SHISA9: variants seen among roughly 807,000 people sequenced by gnomAD.
SHISA9 encodes the protein protein shisa-9.
A neutral mutation model predicts 38.0 loss-of-function variants in SHISA9; 13 were observed. The ratio of observed to expected loss-of-function variants is 0.34; its 90% CI spans 0.22 to 0.54. The LOEUF (loss-of-function observed/expected upper bound fraction) is 0.54, where lower values mean the gene tolerates loss of function less well. SHISA9 is among the 20% of genes least tolerant of loss of function. The pLI, the probability that SHISA9 is intolerant of heterozygous loss-of-function variation, is 0.91. For synonymous variants in SHISA9, 275 were observed against 242.0 expected (o/e 1.14, Z -1.27); for missense variants, 538 against 575.8 (o/e 0.93, Z 0.67).
chr16:13,264,653 T>C, the SHISA9 span, among the ~76,000 whole-genome samples: 2 of 152,180 alleles, frequency 1.3e-5, no homozygotes, highest in South Asian at 2.1e-4. Context: ...AGTCTTGAGT[T>C]GATTTTTAGA....
chr16:13,112,301 G>C (rs1250781451), intron 2 of SHISA9, among the ~76,000 whole-genome samples: 1 of 151,122 alleles, frequency 6.6e-6, no homozygotes, highest in Non-Finnish European at 1.5e-5. Context: ...GAGGAGAGAA[G>C]GGAAAAAATA....
the SHISA9 span, among the ~76,000 whole-genome samples, chr16:13,532,955 C>G: frequency 3.3e-3 from 510 of 152,296 alleles, 1 homozygote; most frequent in Non-Finnish European, 5.9e-3. Context: ...CTCCAAAAGT[C>G]TGGTTTTCTG....
At chr16:13,529,095 T>G in the SHISA9 span, among the ~76,000 whole-genome samples, 1 of 152,180 alleles carries the variant, frequency 6.6e-6, no homozygotes, top group Non-Finnish European at 1.5e-5. Context: ...AGGTCAAACA[T>G]GCCTCATGAC....
At chr16:13,006,887 C>A (rs1400511878) in intron 2 of SHISA9, among the ~76,000 whole-genome samples, 2 of 152,150 alleles carry the variant, frequency 1.3e-5, no homozygotes, top group African/African-American at 4.8e-5. Context: ...TTCTCTTCAA[C>A]CTCTCTGACC....
At chr16:12,913,255 A>C (rs8060353) in intron 1 of SHISA9, among the ~76,000 whole-genome samples, 1 of 152,030 alleles carries the variant, frequency 6.6e-6, no homozygotes, top group Non-Finnish European at 1.5e-5. Context: ...GGAGTGCAGC[A>C]GTGTGATCTC....
rs546699915 is a variant in SHISA9 at position 12,958,760 on chromosome 16, G to A, written c.691+41945G>A. 1.8e-4 allele frequency among the ~76,000 whole-genome samples: 27 copies of A among 152,258 alleles called. No homozygotes were observed. The East Asian group carries it at 4.4e-3, about 25-fold the overall frequency. On this transcript the variant is annotated intron_variant, in intron 2 of 4. Transcript: ENST00000558583. ...TAAAAGCATACTGAAGTTCAAAGAG[G>A]TTAGAAGACTTTCCTGAAATTATGT...
At chr16:13,157,896 G>A (rs746810901) in intron 2 of SHISA9, among the ~76,000 whole-genome samples, 1 of 152,234 alleles carries the variant, frequency 6.6e-6, no homozygotes, top group African/African-American at 2.4e-5. Context: ...GGCTCAGGAA[G>A]CCTCAGCTCC....
rs75933514 is a variant in SHISA9 at position 12,939,746 on chromosome 16, T to C, written c.691+22931T>C. Among the ~76,000 whole-genome samples the C allele has an allele frequency of 2.5e-3, 384 of 152,340 alleles. 1 individual carries two copies. Among genetic ancestry groups the C allele is most frequent in the African/African-American group, 8.9e-3 (370 of 41,586 alleles). On this transcript the variant is annotated intron_variant, in intron 2 of 4. Coordinates refer to ENST00000558583, the MANE Select transcript of SHISA9 (RefSeq NM_001145204.3). ...TATTGTGCTATTCAATGAAACATCA[T>C]AGAGAGGATAGATGTGATTCAGCAT...
At chr16:13,148,467 A>G (rs141313064) in intron 2 of SHISA9, among the ~76,000 whole-genome samples, 2 of 152,010 alleles carry the variant, frequency 1.3e-5, no homozygotes, top group Non-Finnish European at 2.9e-5. Context: ...CCCACAAAAC[A>G]TATATACCTC....
chr16:13,365,432 C>G, the SHISA9 span, among the ~76,000 whole-genome samples: 1 of 150,622 alleles, frequency 6.6e-6, no homozygotes, highest in Admixed American at 6.6e-5. Flanking sequence ...TCCCTCTTAA[C>G]TCTCCTACAG....
intron 2 of SHISA9, among the ~76,000 whole-genome samples, chr16:13,019,887 CTTTCTTTCTTTCTTT>C (rs1567184100): frequency 0.014 from 186 of 12,980 alleles, 7 homozygotes; most frequent in Admixed American, 0.021. Flanking sequence ...TCCCTCCCTT[CTTTCTTTCTTTCTTT>C]CTTTCTTTCT....
chr16:13,401,495 C>A, the SHISA9 span, among the ~76,000 whole-genome samples: 1 of 152,204 alleles, frequency 6.6e-6, no homozygotes, highest in East Asian at 1.9e-4. Flanking sequence ...CCTAACCCCC[C>A]AGTGGGACTG....
chr16:13,539,596 T>G, the SHISA9 span, among the ~76,000 whole-genome samples: 18 of 152,084 alleles, frequency 1.2e-4, no homozygotes, highest in Non-Finnish European at 2.9e-5. Flanking sequence ...TTGGTTTGAT[T>G]TGAATTTCCA....
chr16:12,967,411 G>C (rs1218292270), intron 2 of SHISA9, among the ~76,000 whole-genome samples: 1 of 152,078 alleles, frequency 6.6e-6, no homozygotes, highest in Non-Finnish European at 1.5e-5. Context: ...GACTGTTGTG[G>C]GGTTGGGGGA....
At chr16:13,083,709 C>T (rs1409512296) in intron 2 of SHISA9, among the ~76,000 whole-genome samples, 10 of 152,132 alleles carry the variant, frequency 6.6e-5, no homozygotes, top group Non-Finnish European at 5.9e-5. Flanking sequence ...CTATGGGCTG[C>T]CTTGTCTATG....
the SHISA9 span, among the ~76,000 whole-genome samples, chr16:13,336,465 A>T: frequency 6.6e-6 from 1 of 152,242 alleles, no homozygotes; most frequent in African/African-American, 2.4e-5. Context: ...CAGGCAAAAA[A>T]CCCTTAGTGA....
the SHISA9 span, among the ~76,000 whole-genome samples, chr16:13,434,516 C>G: frequency 2.0e-5 from 3 of 149,874 alleles, no homozygotes; most frequent in Admixed American, 6.8e-5. Context: ...CTCCCAGGTT[C>G]ACACCATTCT....
chr16:13,243,775 T>G (rs2051452267), downstream of SHISA9, among the ~76,000 whole-genome samples: 2 of 145,216 alleles, frequency 1.4e-5, no homozygotes, highest in African/African-American at 5.1e-5. Context: ...CAGCGTTTTT[T>G]TTTTTTTTTT....
the SHISA9 span, among the ~76,000 whole-genome samples, chr16:13,261,129 A>C: frequency 2.4e-4 from 37 of 152,184 alleles, no homozygotes; most frequent in Non-Finnish European, 5.0e-4. Context: ...ATGCAATTCA[A>C]GTTGAGATTT....
Sources: allele counts gnomAD v4.1 joint callset (sites outside exome capture counted in the v4.1 genomes callset), GRCh38; gene constraint gnomAD v4.1.1; transcripts MANE v1.5; gene names NCBI Gene and HGNC (gene_info 2026-07-23, HGNC 2026-07-21).